Variants in CCDC174 observed in about 807,000 individuals in gnomAD.
CCDC174 encodes coiled-coil domain containing 174, also known as coiled-coil domain-containing protein 174.
Under a neutral mutation model 57.1 loss-of-function variants are expected in CCDC174, and 37 were observed. That is an observed-to-expected ratio of 0.65 (90% confidence interval 0.50 to 0.85). The LOEUF is 0.85. Ranked by LOEUF, CCDC174 falls within the 40% of genes least tolerant of loss-of-function variation. The pLI is 0.00. For synonymous variants in CCDC174, 182 were observed against 190.2 expected (o/e 0.96, Z 0.35); for missense variants, 540 against 574.3 (o/e 0.94, Z 0.61).
rs74587709 is a variant in CCDC174 at position 14,659,650 on chromosome 3, G to A, written c.307+721G>A. On this transcript the variant is annotated intron_variant, in intron 4 of 10. Transcript: ENST00000383794. ...CTGTTGATCATGCCACTGCATCCTCGGTGCAGTAAGCTATGATCCAGCCTG... is the reference window on the plus strand; with the variant it reads ...CTGTTGATCATGCCACTGCATCCTCAGTGCAGTAAGCTATGATCCAGCCTG... Among the ~76,000 whole-genome samples, 800 of 152,062 alleles carry A rather than the reference G, an allele frequency of 5.3e-3. 4 individuals carry two copies. Among genetic ancestry groups the A allele is most frequent in the African/African-American group, 0.017 (708 of 41,470 alleles).
At chr3:14,665,181 G>T (rs1415422422) in intron 6 of CCDC174, 58 bp downstream of exon 6, 1 of 1,152,740 alleles carries the variant, frequency 8.7e-7, no homozygotes, top group African/African-American at 1.5e-5. Flanking sequence ...CACAGGGATT[G>T]TTTTGTGAGG....
At chr3:14,662,788 A>G (rs1433463955) in intron 5 of CCDC174, among the ~76,000 whole-genome samples, 1 of 152,218 alleles carries the variant, frequency 6.6e-6, no homozygotes, top group Non-Finnish European at 1.5e-5. Flanking sequence ...GCAGTCATTG[A>G]TGAGCTGAAG....
intron 1 of CCDC174, among the ~76,000 whole-genome samples, chr3:14,653,019 A>C (rs1387041933): frequency 6.6e-6 from 1 of 152,178 alleles, no homozygotes; most frequent in African/African-American, 2.4e-5. Context: ...CTTTGATTTA[A>C]TCTTGAATTT....
At chr3:14,661,032 G>C in intron 4 of CCDC174, among the ~76,000 whole-genome samples, 1 of 152,158 alleles carries the variant, frequency 6.6e-6, no homozygotes, top group East Asian at 1.9e-4. Flanking sequence ...TCATTGGCTT[G>C]ACAAGAACTC....
rs771844299 is a variant in CCDC174, at chr3:14,655,614, C to T, written c.233C>T (p.Thr78Ile). The change falls in exon 3 of 11, where the codon ACT (threonine) becomes ATT (isoleucine). Residue 78 changes from threonine (T) to isoleucine (I), a missense_variant. Physicochemically the swap from Thr to Ile is moderately conservative, Grantham distance 89. Transcript: ENST00000383794. ...GAACAGAAGATTGAAGAACAGAAGA[C>T]TTTAGACAAAGCAAGGTAAAGTTAT... ...DAEQKIEEQK[T>I]LDKAREKLEE... The T allele has an allele frequency of 1.9e-6, 3 of 1,606,648 alleles. 1 individual carries two copies. Among genetic ancestry groups the T allele is most frequent in the East Asian group, 2.2e-5 (1 of 44,588 alleles).
At position 14,653,735 on chromosome 3, in the gene CCDC174, GGTTT is replaced by G. The variant is rs1431443489; in HGVS notation, c.43-690_43-687del. Among the ~76,000 whole-genome samples the G allele has an allele frequency of 2.0e-4, 30 of 152,184 alleles. 1 individual carries two copies. The South Asian group carries it at 4.6e-3, about 23-fold the overall frequency. ...AACCGTGTGATTCAGCCAAGCTTAC[GGTTT>G]TTGAAATGGATTAAGTCAAACGTGG... On this transcript the variant is annotated intron_variant, in intron 1 of 10. Coordinates refer to ENST00000383794, the MANE Select transcript of CCDC174 (RefSeq NM_016474.5).
Position 14,654,542 on chromosome 3 carries a change from G to T in CCDC174, c.147+12G>T, listed in dbSNP as rs149791057. ...AAACAACTAACAAGGTAAAAAATAAGATCTAATTATCTCCATTGGTTCCAA... is the reference window on the plus strand; with the variant it reads ...AAACAACTAACAAGGTAAAAAATAATATCTAATTATCTCCATTGGTTCCAA... On this transcript the variant is annotated intron_variant, in intron 2 of 10. Transcript: ENST00000383794. 3.2e-6 allele frequency: 4 copies of T among 1,268,684 alleles called. No homozygotes were observed. The highest frequency in any genetic ancestry group is 2.3e-5 in the East Asian group (1 of 42,978). 78.6% of individuals were successfully genotyped at this position (1,268,684 alleles called of 1,614,324 possible).
chr3:14,662,323 C>G (rs748686825), intron 5 of CCDC174, among the ~76,000 whole-genome samples: 1 of 151,882 alleles, frequency 6.6e-6, no homozygotes, highest in East Asian at 1.9e-4. Context: ...TGGCCCTTTG[C>G]TTTAACACCC....
rs1377868845 is a variant in CCDC174, at chr3:14,665,129, T to C, written c.581+6T>C. The C allele has an allele frequency of 6.3e-7, 1 of 1,599,686 alleles. No individual in the cohort carries two copies. The highest frequency in any genetic ancestry group is 1.1e-5 in the South Asian group (1 of 90,814). On this transcript the variant is annotated splice_donor_region_variant and intron_variant, in intron 6 of 10. Coordinates refer to ENST00000383794, the MANE Select transcript of CCDC174 (RefSeq NM_016474.5). ...AAAAATCTTCAGGGGAGACTGTAAG[T>C]GTGTGTGGTATACAGAGCTCTGCCA...
intron 4 of CCDC174, among the ~76,000 whole-genome samples, chr3:14,659,348 A>G (rs763031805): frequency 2.0e-5 from 3 of 151,900 alleles, no homozygotes; most frequent in Non-Finnish European, 4.4e-5. Context: ...TTCTTTCCCT[A>G]TTTTCCCTCT....
chr3:14,654,656 A>G (rs2030891662), intron 2 of CCDC174, 126 bp downstream of exon 2: 3 of 523,392 alleles, frequency 5.7e-6, no homozygotes, highest in Non-Finnish European at 1.0e-5. Context: ...TCTATCTTGT[A>G]TTTAACATCT....
rs576436782 is a variant in CCDC174 at position 14,661,788 on chromosome 3, A to G, written c.485+81A>G. 1.7e-5 allele frequency: 22 copies of G among 1,293,078 alleles called. No homozygotes were observed. In the East Asian group the frequency reaches 5.0e-4, roughly 29 times the overall value. 80.1% of individuals were successfully genotyped at this position (1,293,078 alleles called of 1,614,324 possible). A position where few individuals can be genotyped will look rare whatever the true frequency, so the allele number is the denominator to read the frequency against. On this transcript the variant is annotated intron_variant, in intron 5 of 10. Transcript: ENST00000383794. The stretch of plus-strand genomic sequence containing the variant: ...TTGGGAGTGATTTTGTTGGGTTGTT[A>G]TCGAGCCATTTCTCTTTATTCTTCC...
At chr3:14,653,282 T>C (rs2030838409) in intron 1 of CCDC174, among the ~76,000 whole-genome samples, 1 of 152,234 alleles carries the variant, frequency 6.6e-6, no homozygotes, top group Non-Finnish European at 1.5e-5. Flanking sequence ...AAGGCAGTTG[T>C]AGACTAGGAA....
At chr3:14,667,944 T>C in intron 8 of CCDC174, 105 bp from the exon 9 acceptor site, 1 of 1,138,116 alleles carries the variant, frequency 8.8e-7, no homozygotes, top group Non-Finnish European at 1.3e-6. Context: ...AGAGGTGGCC[T>C]GAAGATCAAT....
In CCDC174 at chr3:14,668,109, G is replaced by C; in HGVS notation, c.880G>C (p.Ala294Pro). The C allele has an allele frequency of 6.2e-7, 1 of 1,609,828 alleles. No homozygotes were observed. The highest frequency in any genetic ancestry group is 8.5e-7 in the Non-Finnish European group (1 of 1,178,024). The change falls in exon 9 of 11, where the codon GCA becomes CCA. Residue 294 changes from alanine to proline, a missense_variant. Transcript: ENST00000383794. ...GGAAAAGCGAAAGGCTATCTTAGAG[G>C]CAAGACTTGCCAAACTTCGACAAAA... is the stretch of plus-strand genomic sequence containing the variant. ...IKEKRKAILE[A>P]RLAKLRQKKM...
At chr3:14,663,989 A>G (rs1032455599) in intron 5 of CCDC174, among the ~76,000 whole-genome samples, 2 of 152,234 alleles carry the variant, frequency 1.3e-5, no homozygotes, top group African/African-American at 4.8e-5. Context: ...CTTTCCGTAA[A>G]GATACTGTAA....
intron 9 of CCDC174, 117 bp downstream of exon 9, chr3:14,668,298 G>A: frequency 2.9e-6 from 3 of 1,026,910 alleles, no homozygotes; most frequent in South Asian, 1.7e-5. Flanking sequence ...TAAGCAAACA[G>A]TATACCTTTG....
In CCDC174 at chr3:14,668,098, C is replaced by G. The variant is rs1281600738; in HGVS notation, c.869C>G (p.Ala290Gly). The G allele has an allele frequency of 1.2e-6, 2 of 1,604,926 alleles. No homozygotes were observed. Among genetic ancestry groups the G allele is most frequent in the African/African-American group, 2.7e-5 (2 of 74,352 alleles). The change falls in exon 9 of 11, where the codon GCT (alanine) becomes GGT (glycine). Residue 290 changes from alanine (A) to glycine (G), a missense_variant. Ala to Gly is a moderately conservative substitution (Grantham distance 60). Transcript: ENST00000383794. ...KRENIKEKRK[A>G]ILEARLAKLR... The stretch of plus-strand genomic sequence containing the variant: ...GAAAACATAAAGGAAAAGCGAAAGG[C>G]TATCTTAGAGGCAAGACTTGCCAAA...
intron 9 of CCDC174, among the ~76,000 whole-genome samples, chr3:14,668,754 A>T (rs759068399): frequency 6.6e-6 from 1 of 152,206 alleles, no homozygotes; most frequent in African/African-American, 2.4e-5. Context: ...AGAGACTCCT[A>T]CATAGAATGG....
Sources: allele counts gnomAD v4.1 joint callset (sites outside exome capture counted in the v4.1 genomes callset), GRCh38; gene constraint gnomAD v4.1.1; transcripts MANE v1.5; gene names NCBI Gene and HGNC (gene_info 2026-07-23, HGNC 2026-07-21).